The following KRTCAP3 variants were observed in gnomAD, a reference collection of about 807,000 sequenced individuals.
KRTCAP3 encodes keratinocyte-associated protein 3.
In KRTCAP3, 18 loss-of-function variants were observed where a neutral mutation model predicts 20.5. That is an observed-to-expected ratio of 0.88 (90% confidence interval 0.61 to 1.31). KRTCAP3 has a LOEUF of 1.31. KRTCAP3 is among the 50% of genes most tolerant of loss of function. The pLI, the probability that KRTCAP3 is intolerant of heterozygous loss-of-function variation, is 0.00. For synonymous variants in KRTCAP3, 167 were observed against 133.7 expected (o/e 1.25, Z -1.72); for missense variants, 347 against 310.4 (o/e 1.12, Z -0.89).
At chr2:27,443,917 G>A (rs2148461261) in intron 5 of KRTCAP3, 32 bp from the exon 6 acceptor site, 1 of 1,182,846 alleles carries the variant, frequency 8.5e-7, no homozygotes. Context: ...ATCATTCAGG[G>A]CGAGGGTGTC....
At chr2:27,443,571 C>T (rs1664754396) in intron 5 of KRTCAP3, 39 bp downstream of exon 5, 1 of 1,611,334 alleles carries the variant, frequency 6.2e-7, no homozygotes, top group Non-Finnish European at 8.5e-7. Flanking sequence ...TCCACAGAGA[C>T]TGGCTGTGTT....
chr2:27,442,526 C>G, intron 1 of KRTCAP3, 53 bp from the exon 2 acceptor site: 1 of 1,533,418 alleles, frequency 6.5e-7, no homozygotes, highest in South Asian at 1.2e-5. Context: ...CCGCCGCGAG[C>G]CGCCTCTCCC....
At chr2:27,445,127 T>C (rs766439327), downstream of KRTCAP3, 3 of 1,613,398 alleles carry the variant, frequency 1.9e-6, no homozygotes, top group Non-Finnish European at 2.5e-6. The surrounding 1 kb of genome is among the most constrained non-coding windows in gnomAD (Gnocchi z 4.4). Flanking sequence ...GAAAAAATGA[T>C]GAACTGGGGT....
chr2:27,445,411 T>C, downstream of KRTCAP3: 1 of 1,612,554 alleles, frequency 6.2e-7, no homozygotes. This position sits in a 1 kb window ranked among gnomAD's most constrained non-coding sequence, Gnocchi z 4.4. Context: ...CCATGGAGAC[T>C]GTAAGCACCC....
At chr2:27,444,605 A>G (rs1318913430), downstream of KRTCAP3, 1 of 1,023,982 alleles carries the variant, frequency 9.8e-7, no homozygotes, top group East Asian at 2.4e-5. Flanking sequence ...CAGGGTCTGC[A>G]TCTGCCTTCC....
In KRTCAP3 at chr2:27,443,962, CAG is replaced by C. The variant is rs1213019850; in HGVS notation, c.632_633del (p.Glu211AlafsTer2). Reference sequence around the variant, plus strand: ...CTTCTTCTGCAGCTAGAGGAAATGACAGAGCTTGAATCTCCTAAATGTAAAAG... The same window carrying C: ...CTTCTTCTGCAGCTAGAGGAAATGACAGCTTGAATCTCCTAAATGTAAAAG... On this transcript the variant is annotated frameshift_variant, in exon 6 of 7. Coordinates refer to ENST00000288873, the MANE Select transcript of KRTCAP3 (RefSeq NM_173853.4). LOFTEE classifies it high-confidence loss of function. 10 of 1,599,878 alleles carry C rather than the reference CAG, an allele frequency of 6.3e-6. No individual in the cohort carries two copies. Among genetic ancestry groups the C allele is most frequent in the Non-Finnish European group, 8.6e-6 (10 of 1,167,138 alleles).
downstream of KRTCAP3, chr2:27,444,872 C>T (rs1664907042): frequency 1.2e-6 from 1 of 863,328 alleles, no homozygotes; most frequent in Non-Finnish European, 1.8e-6. Context: ...TGGTCTCAAA[C>T]TCCTGACCTC....
rs1199228890 is a variant in KRTCAP3 at position 27,443,970 on chromosome 2, G to C, written c.637G>C (p.Glu213Gln). The C allele has an allele frequency of 1.9e-6, 3 of 1,608,496 alleles. No individual in the cohort carries two copies. Among genetic ancestry groups the C allele is most frequent in the African/African-American group, 2.7e-5 (2 of 74,838 alleles). Residue 213 changes from glutamate (E) to glutamine (Q), a missense_variant, in exon 6 of 7, where the codon GAA becomes CAA. By Grantham distance (29) the Glu-to-Gln change is conservative (BLOSUM62 2). Coordinates refer to ENST00000288873, the MANE Select transcript of KRTCAP3 (RefSeq NM_173853.4). ...GCAGCTAGAGGAAATGACAGAGCTT[G>C]AATCTCCTAAATGTAAAAGGCAGGA... is the stretch of plus-strand genomic sequence containing the variant. Reference protein sequence around the residue: ...QGQLEEMTELESPKCKRQENE... With the variant: ...QGQLEEMTELQSPKCKRQENE...
chr2:27,445,395 G>A (rs768391423), downstream of KRTCAP3: 52 of 1,612,408 alleles, frequency 3.2e-5, no homozygotes, highest in Non-Finnish European at 4.2e-5. This position sits in a 1 kb window ranked among gnomAD's most constrained non-coding sequence, Gnocchi z 4.4. Context: ...TGCTCCAGCC[G>A]CTGGTCCATG....
chr2:27,445,722 G>T (rs945622833), downstream of KRTCAP3: 1 of 1,613,786 alleles, frequency 6.2e-7, no homozygotes, highest in Admixed American at 1.7e-5. The surrounding 1 kb of genome is among the most constrained non-coding windows in gnomAD (Gnocchi z 4.4). Context: ...AGGCCTTCCG[G>T]TTTTCCAACC....
rs941351077 is a variant in KRTCAP3, at chr2:27,442,425, A to G, written c.13A>G (p.Ser5Gly). MRRCSLCAFDAARGP... is the reference protein window; with the variant it reads MRRCGLCAFDAARGP... ...CGCGGCGGACGGGATGAGGCGCTGC[A>G]GTCTCTGCGCTTTCGGTAACTTCCG... Residue 5 changes from serine (S) to glycine (G), a missense_variant, in exon 1 of 7, where the codon AGT becomes GGT. Ser to Gly is a moderately conservative substitution (Grantham distance 56). Transcript: ENST00000288873. The G allele has an allele frequency of 1.1e-5, 17 of 1,567,498 alleles. No individual in the cohort carries two copies. In the African/African-American group the frequency reaches 1.8e-4, roughly 16 times the overall value.
chr2:27,443,468 G>T lies in KRTCAP3; in HGVS notation c.551G>T (p.Cys184Phe). The T allele has an allele frequency of 6.2e-7, 1 of 1,614,148 alleles. No individual in the cohort carries two copies. ...GGGGAGGCTGCTCTATCTGGTTACT[G>T]CTGTGTGGCTGCACTCACTCTACGT... ...SAGEAALSGY[C>F]CVAALTLRGV... Residue 184 changes from cysteine to phenylalanine, a missense_variant, in exon 5 of 7, where the codon TGC (cysteine) becomes TTC (phenylalanine). Physicochemically the swap from Cys to Phe is radical, Grantham distance 205. Transcript: ENST00000288873.
downstream of KRTCAP3, chr2:27,445,750 C>T (rs571686284): frequency 5.5e-5 from 88 of 1,614,198 alleles, 1 homozygote; most frequent in South Asian, 8.1e-4. The surrounding 1 kb of genome is among the most constrained non-coding windows in gnomAD (Gnocchi z 4.4). Context: ...CTTACCGGTA[C>T]ATGCTGCTTA....
Position 27,442,671 on chromosome 2 carries a change from G to T in KRTCAP3, c.121G>T (p.Gly41Cys). The T allele has an allele frequency of 6.3e-7, 1 of 1,586,090 alleles. No homozygotes were observed. Among genetic ancestry groups the T allele is most frequent in the Non-Finnish European group, 8.6e-7 (1 of 1,165,560 alleles). Residue 41 changes from glycine to cysteine, a missense_variant, in exon 2 of 7, where the codon GGC becomes TGC. Transcript: ENST00000288873. ...CCTGCTGCTGGGGGCCGTGCTGCAT[G>T]GCACCGTCCTGCGGCACGTGGCCAA... Reference protein sequence around the residue: ...VNLLLGAVLHGTVLRHVANPR... With the variant: ...VNLLLGAVLHCTVLRHVANPR...
At chr2:27,445,431 C>T (rs149117098), downstream of KRTCAP3, 788 of 1,611,342 alleles carry the variant, frequency 4.9e-4, 1 homozygote, top group Middle Eastern at 5.1e-4. This position sits in a 1 kb window ranked among gnomAD's most constrained non-coding sequence, Gnocchi z 4.4. Context: ...CAGTCTCGAA[C>T]CTCTTCTCTC....
chr2:27,443,052 C>T lies in KRTCAP3; in HGVS notation c.274-22C>T, dbSNP rs756382651. ...AGTTAGCCAGGCCCAGGCTGCTCAC[C>T]CTGATCTCCTGTCCCTGCCAGCACT... On this transcript the variant is annotated intron_variant, in intron 3 of 6. Transcript: ENST00000288873. 1.9e-6 allele frequency: 3 copies of T among 1,607,340 alleles called. No individual in the cohort carries two copies. The South Asian group carries it at 3.3e-5, about 18-fold the overall frequency.
In KRTCAP3 at chr2:27,442,705, G is replaced by C. The variant is rs1664684880; in HGVS notation, c.155G>C (p.Gly52Ala). Residue 52 changes from glycine (G) to alanine (A), a missense_variant, in exon 2 of 7, where the codon GGC becomes GCC. Physicochemically the swap from Gly to Ala is moderately conservative, Grantham distance 60. Coordinates refer to ENST00000288873, the MANE Select transcript of KRTCAP3 (RefSeq NM_173853.4). The part of the protein sequence containing the change: ...TVLRHVANPR[G>A]AVTPEYTVAN... The stretch of plus-strand genomic sequence containing the variant: ...CTGCGGCACGTGGCCAATCCCCGCG[G>C]CGCTGTCACGCCGGAGTACACCGTA... 6.3e-7 allele frequency: 1 copy of C among 1,593,588 alleles called. No individual in the cohort carries two copies. Among genetic ancestry groups the C allele is most frequent in the Admixed American group, 1.7e-5 (1 of 57,646 alleles).
rs775216589 is a variant in KRTCAP3, at chr2:27,444,070, C to G, written c.*5+9C>G. ...AGTTGGGTTTAGGACAGGTAATGGG[C>G]CTTGAAGGTGGTGGCCCGGGTAAGA... is the stretch of plus-strand genomic sequence containing the variant. On this transcript the variant is annotated intron_variant, in intron 6 of 6. Coordinates refer to ENST00000288873, the MANE Select transcript of KRTCAP3 (RefSeq NM_173853.4). 6.6e-7 allele frequency: 1 copy of G among 1,516,724 alleles called. No individual in the cohort carries two copies. The highest frequency in any genetic ancestry group is 1.4e-5 in the African/African-American group (1 of 72,912). 94.0% of individuals were successfully genotyped at this position (1,516,724 alleles called of 1,614,324 possible).
At chr2:27,442,506 C>A in intron 1 of KRTCAP3, 66 bp downstream of exon 1, 1 of 1,534,986 alleles carries the variant, frequency 6.5e-7, no homozygotes, top group Non-Finnish European at 8.8e-7. Flanking sequence ...TCCTACTGCC[C>A]GCGGTTAACC....
Sources: allele counts gnomAD v4.1 joint callset, GRCh38; gene constraint gnomAD v4.1.1; non-coding constraint Gnocchi (gnomAD v3.1); transcripts MANE v1.5; gene names NCBI Gene and HGNC (gene_info 2026-07-23, HGNC 2026-07-21).